ITIH3: variants seen among roughly 807,000 people sequenced by gnomAD.
The protein encoded by ITIH3 is inter-alpha-trypsin inhibitor heavy chain H3.
Under a neutral mutation model 96.5 loss-of-function variants are expected in ITIH3, and 81 were observed. The observed-to-expected ratio is 0.84, with a 90% CI of 0.70 to 1.01. ITIH3 has a LOEUF of 1.01. ITIH3 is among the 50% of genes least tolerant of loss of function. The pLI, the probability that ITIH3 is intolerant of heterozygous loss-of-function variation, is 0.00. For missense variants in ITIH3, 1,057 were observed against 1,139.3 expected (o/e 0.93, Z 1.04); for synonymous variants, 422 against 445.2 (o/e 0.95, Z 0.66).
chr3:52,805,648 C>A, intron 15 of ITIH3, 160 bp from the exon 16 acceptor site: 1 of 1,454,360 alleles, frequency 6.9e-7, no homozygotes, highest in South Asian at 1.5e-5. Flanking sequence ...CCTGGACGTG[C>A]CCGATTTCCA....
At chr3:52,806,432 G>C in intron 18 of ITIH3, 26 bp downstream of exon 18, 1 of 1,574,586 alleles carries the variant, frequency 6.4e-7, no homozygotes, top group Non-Finnish European at 8.7e-7. Context: ...TAGGGCCGGG[G>C]CCAGGGGGCT....
At position 52,808,333 on chromosome 3, in the gene ITIH3, G is replaced by A. The variant is rs572553294; in HGVS notation, c.2543+112G>A. ...CTTTTGTCTTCTGTGGGGTACCCTT[G>A]TTTCCCTTTGAGGTCTTGGCCCCTC... On this transcript the variant is annotated intron_variant, in intron 21 of 21. Coordinates refer to ENST00000449956, the MANE Select transcript of ITIH3 (RefSeq NM_002217.4). 2.5e-3 allele frequency: 2,805 copies of A among 1,103,946 alleles called. 6 individuals are homozygous for A. Among genetic ancestry groups the A allele is most frequent in the Non-Finnish European group, 3.3e-3 (2,504 of 756,462 alleles). The allele number at this position is 1,103,946 out of a possible 1,614,324, so 68.4% of individuals were successfully genotyped here. A position where few individuals can be genotyped will look rare whatever the true frequency, so the allele number is the denominator to read the frequency against.
chr3:52,799,340 C>T lies in ITIH3; in HGVS notation c.790-32C>T, dbSNP rs1476161547. The stretch of plus-strand genomic sequence containing the variant: ...AGTCAATGTGGTGTTGCTAAAAGGA[C>T]ACCGGCCTCCGTCCCTCTCCCCACT... On this transcript the variant is annotated intron_variant, in intron 7 of 21. Transcript: ENST00000449956. 2.0e-6 allele frequency: 3 copies of T among 1,497,072 alleles called. No individual in the cohort carries two copies. In the African/African-American group the frequency reaches 4.2e-5, roughly 21 times the overall value. 92.7% of individuals were successfully genotyped at this position (1,497,072 alleles called of 1,614,324 possible). A position where few individuals can be genotyped will look rare whatever the true frequency, so the allele number is the denominator to read the frequency against.
chr3:52,802,857 T>C, intron 13 of ITIH3, 51 bp downstream of exon 13: 2 of 1,603,298 alleles, frequency 1.2e-6, no homozygotes, highest in South Asian at 2.2e-5. Context: ...TGGGCTCCAA[T>C]GCAAGGGCAC....
chr3:52,808,746 A>G lies in ITIH3; in HGVS notation c.*65A>G. 2 of 1,574,588 alleles carry G rather than the reference A, an allele frequency of 1.3e-6. No individual in the cohort carries two copies. The highest frequency in any genetic ancestry group is 1.7e-6 in the Non-Finnish European group (2 of 1,147,508). ...TTTATGGCATCTGGAACATGGGCAC[A>G]GAGAGGGGCCTGTGGGAGGGGCTGG... is the stretch of plus-strand genomic sequence containing the variant. On this transcript the variant is annotated 3_prime_UTR_variant, in exon 22 of 22. Coordinates refer to ENST00000449956, the MANE Select transcript of ITIH3 (RefSeq NM_002217.4).
Position 52,802,387 on chromosome 3 carries a change from C to T in ITIH3, c.1437C>T (p.Tyr479=). The T allele has an allele frequency of 1.2e-6, 2 of 1,613,940 alleles. No individual in the cohort carries two copies. The highest frequency in any genetic ancestry group is 1.7e-6 in the Non-Finnish European group (2 of 1,179,870). The part of the protein sequence containing the change: ...NPLLTGVEME[Y]PENAILDLTQ... ...TGCTGACGGGTGTGGAGATGGAGTA[C>T]CCCGAGAACGCTATCCTGGACCTCA... The change falls in exon 12 of 22, where the codon TAC becomes TAT. Residue 479 remains tyrosine, a synonymous_variant. Coordinates refer to ENST00000449956, the MANE Select transcript of ITIH3 (RefSeq NM_002217.4).
At chr3:52,801,544 C>T (rs1410236723) in intron 11 of ITIH3, among the ~76,000 whole-genome samples, 1 of 152,102 alleles carries the variant, frequency 6.6e-6, no homozygotes, top group East Asian at 1.9e-4. Flanking sequence ...ATCCATGTGG[C>T]GGTGGGTTGG....
chr3:52,799,364 C>G lies in ITIH3; in HGVS notation c.790-8C>G. The G allele has an allele frequency of 6.3e-7, 1 of 1,579,824 alleles. No individual in the cohort carries two copies. Among genetic ancestry groups the G allele is most frequent in the South Asian group, 1.2e-5 (1 of 86,480 alleles). On this transcript the variant is annotated splice_region_variant and splice_polypyrimidine_tract_variant and intron_variant, in intron 7 of 21. Coordinates refer to ENST00000449956, the MANE Select transcript of ITIH3 (RefSeq NM_002217.4). ...ACACCGGCCTCCGTCCCTCTCCCCA[C>G]TTTCCAGATAGTCAATGGCTACTTC...
At chr3:52,808,395 G>C (rs1462033885) in intron 21 of ITIH3, among the ~76,000 whole-genome samples, 157 bp from the exon 22 acceptor site, 1 of 152,208 alleles carries the variant, frequency 6.6e-6, no homozygotes, top group Non-Finnish European at 1.5e-5. Flanking sequence ...CCCAAACTTG[G>C]CTTCCTCGAA....
At position 52,799,504 on chromosome 3, in the gene ITIH3, G is replaced by A; in HGVS notation, c.906+16G>A. 1 of 1,565,968 alleles carries A rather than the reference G, an allele frequency of 6.4e-7. No homozygotes were observed. The highest frequency in any genetic ancestry group is 2.2e-5 in the East Asian group (1 of 44,536). ...ATTAGAGCAGGTAATCAGCACCAGT[G>A]GCACAGCCAGGGCTCGGGGTAGTAG... On this transcript the variant is annotated intron_variant, in intron 8 of 21. Coordinates refer to ENST00000449956, the MANE Select transcript of ITIH3 (RefSeq NM_002217.4).
chr3:52,803,865 C>T lies in ITIH3; in HGVS notation c.1720C>T (p.His574Tyr), dbSNP rs201639666. 8.7e-6 allele frequency: 14 copies of T among 1,613,992 alleles called. No individual in the cohort carries two copies. In the African/African-American group the frequency reaches 1.7e-4, roughly 20 times the overall value. The change falls in exon 14 of 22, where the codon CAT becomes TAT. Residue 574 changes from histidine to tyrosine, a missense_variant. Coordinates refer to ENST00000449956, the MANE Select transcript of ITIH3 (RefSeq NM_002217.4). Reference protein sequence around the residue: ...EQLLEKRKNAHGEEKENLTAR... With the variant: ...EQLLEKRKNAYGEEKENLTAR... The stretch of plus-strand genomic sequence containing the variant: ...GGCCCCTCCTCACAGCAAGAACGCC[C>T]ATGGCGAGGAGAAGGAGAACCTCAC...
intron 7 of ITIH3, 30 bp from the exon 8 acceptor site, chr3:52,799,342 C>G: frequency 6.6e-7 from 1 of 1,510,426 alleles, no homozygotes; most frequent in Non-Finnish European, 9.0e-7. Context: ...TAAAAGGACA[C>G]CGGCCTCCGT....
intron 8 of ITIH3, 58 bp from the exon 9 acceptor site, chr3:52,799,695 C>T (rs1699741657): frequency 6.6e-7 from 1 of 1,521,962 alleles, no homozygotes; most frequent in Non-Finnish European, 8.9e-7. Flanking sequence ...GCCTGCTGAG[C>T]TGAGAAGGGA....
chr3:52,807,033 A>G lies in ITIH3; in HGVS notation c.2189A>G (p.Lys730Arg). ...MDFQVEVTTE[K>R]ITLWNRAVPS... ...TTCCAGGTGGAGGTGACAACGGAGA[A>G]GATCACCCTGTGGAACAGGGCCGTG... The change falls in exon 19 of 22, where the codon AAG (lysine) becomes AGG (arginine). Residue 730 changes from lysine to arginine, a missense_variant. Lys to Arg is a conservative substitution (Grantham distance 26, BLOSUM62 2). Transcript: ENST00000449956. The G allele has an allele frequency of 6.2e-7, 1 of 1,602,264 alleles. No individual in the cohort carries two copies. The highest frequency in any genetic ancestry group is 1.7e-5 in the Admixed American group (1 of 58,438).
chr3:52,802,822 G>T lies in ITIH3; in HGVS notation c.1709+16G>T, dbSNP rs778927659. 12 of 1,613,260 alleles carry T rather than the reference G, an allele frequency of 7.4e-6. No individual in the cohort carries two copies. The highest frequency in any genetic ancestry group is 1.0e-5 in the Non-Finnish European group (12 of 1,179,594). On this transcript the variant is annotated intron_variant, in intron 13 of 21. Coordinates refer to ENST00000449956, the MANE Select transcript of ITIH3 (RefSeq NM_002217.4). ...TGGAGAAGCGGTGAGCAGAGTCCCA[G>T]CCCCCACCTGTGCCTACCCCTGGCT... is the stretch of plus-strand genomic sequence containing the variant.
intron 13 of ITIH3, 88 bp from the exon 14 acceptor site, chr3:52,803,767 T>C: frequency 6.9e-7 from 1 of 1,452,336 alleles, no homozygotes; most frequent in Admixed American, 1.9e-5. Flanking sequence ...GGAGTGGGGA[T>C]CCCCAGCTGT....
intron 14 of ITIH3, chr3:52,804,309 TTAGACAAGAAGAA>T: frequency 2.2e-6 from 1 of 464,702 alleles, no homozygotes; most frequent in South Asian, 2.9e-5. Context: ...AAGGGCTTAG[TTAGACAAGAAGAA>T]GCACTTCCAA....
Position 52,799,454 on chromosome 3 carries a change from T to C in ITIH3, c.872T>C (p.Ile291Thr), listed in dbSNP as rs1468331524. 4 of 1,612,672 alleles carry C rather than the reference T, an allele frequency of 2.5e-6. No individual in the cohort carries two copies. The African/African-American group carries it at 5.3e-5, about 22-fold the overall frequency. The change falls in exon 8 of 22, where the codon ATC becomes ACC. Residue 291 changes from isoleucine (I) to threonine (T), a missense_variant. Coordinates refer to ENST00000449956, the MANE Select transcript of ITIH3 (RefSeq NM_002217.4). ...VPKNVAFVID[I>T]SGSMAGRKLE... ...AAGAACGTGGCCTTTGTGATTGACA[T>C]CAGCGGCTCCATGGCTGGTCGGAAA...
Position 52,799,491 on chromosome 3 carries a change from A to T in ITIH3, c.906+3A>T, listed in dbSNP as rs374812334. The T allele has an allele frequency of 6.3e-7, 1 of 1,597,098 alleles. No individual in the cohort carries two copies. Among genetic ancestry groups the T allele is most frequent in the Non-Finnish European group, 8.5e-7 (1 of 1,171,520 alleles). On this transcript the variant is annotated splice_donor_region_variant and intron_variant, in intron 8 of 21. Transcript: ENST00000449956. ...TGGCTGGTCGGAAATTAGAGCAGGTAATCAGCACCAGTGGCACAGCCAGGG... is the reference window on the plus strand; with the variant it reads ...TGGCTGGTCGGAAATTAGAGCAGGTTATCAGCACCAGTGGCACAGCCAGGG...
Sources: gnomAD v4.1 joint callset for allele counts (sites outside exome capture counted in the v4.1 genomes callset) on GRCh38, gnomAD v4.1.1 for gene constraint, MANE v1.5 for transcripts, NCBI Gene and HGNC (gene_info 2026-07-23, HGNC 2026-07-21) for gene names.